Variants in EFCAB6 observed in about 807,000 individuals in gnomAD.
EFCAB6 encodes the protein EF-hand calcium-binding domain-containing protein 6.
In EFCAB6, 156 loss-of-function variants were observed where a neutral mutation model predicts 169.8. That is an observed-to-expected ratio of 0.92 (90% confidence interval 0.81 to 1.05). The LOEUF (loss-of-function observed/expected upper bound fraction) is 1.05. Among genes scored for constraint, EFCAB6 ranks in the 50% least tolerant of loss-of-function variants. EFCAB6 has a pLI of 0.00. For synonymous variants in EFCAB6, 698 were observed against 676.4 expected (o/e 1.03, Z -0.50); for missense variants, 1,800 against 1,829.1 (o/e 0.98, Z 0.29).
At chr22:43,605,278 A>T (rs534943943) in intron 22 of EFCAB6, among the ~76,000 whole-genome samples, 1 of 152,360 alleles carries the variant, frequency 6.6e-6, no homozygotes, top group Non-Finnish European at 1.5e-5. Context: ...ATTTAACTTT[A>T]AAGCAAAGAT....
At chr22:43,576,065 A>C (rs954876026) in intron 26 of EFCAB6, among the ~76,000 whole-genome samples, 2 of 152,062 alleles carry the variant, frequency 1.3e-5, no homozygotes, top group Non-Finnish European at 2.9e-5. Flanking sequence ...AAGCTCCCAA[A>C]CCTCTTTGAA....
chr22:43,595,812 C>T (rs1255426877), intron 23 of EFCAB6, among the ~76,000 whole-genome samples: 7 of 152,088 alleles, frequency 4.6e-5, no homozygotes, highest in Non-Finnish European at 1.5e-5. Context: ...AACTACAGGC[C>T]AAAATTCCTG....
chr22:43,759,726 A>T (rs2061085922), intron 5 of EFCAB6: 3 of 152,192 alleles, frequency 2.0e-5, no homozygotes, highest in African/African-American at 7.2e-5. Flanking sequence ...TCCAGGTCAT[A>T]CCTTTTTAAT....
intron 25 of EFCAB6, among the ~76,000 whole-genome samples, chr22:43,577,344 C>T (rs557934274): frequency 1.1e-4 from 17 of 152,302 alleles, no homozygotes; most frequent in African/African-American, 4.1e-4. Context: ...AGTTAATTCT[C>T]ATTCGGGGCT....
At chr22:43,784,718 C>CATATAT (rs1226581072) in intron 2 of EFCAB6, among the ~76,000 whole-genome samples, 7 of 112,238 alleles carry the variant, frequency 6.2e-5, no homozygotes, top group African/African-American at 2.4e-4. Flanking sequence ...CACACACACA[C>CATATAT]ATATATATAT....
chr22:43,684,601 G>C (rs2058120114), intron 11 of EFCAB6, among the ~76,000 whole-genome samples: 1 of 152,186 alleles, frequency 6.6e-6, no homozygotes, highest in South Asian at 2.1e-4. Context: ...ACCATTCTAA[G>C]ATTTGTTTGG....
At chr22:43,598,308 C>A (rs137714) in intron 23 of EFCAB6, among the ~76,000 whole-genome samples, 112,736 of 113,040 alleles carry the variant, frequency 1, 56,216 homozygotes, top group Middle Eastern at 1. Flanking sequence ...ACACTGTCTC[C>A]GGGAAAAAAA....
At chr22:43,560,322 C>T (rs186005318) in intron 26 of EFCAB6, among the ~76,000 whole-genome samples, 2 of 152,250 alleles carry the variant, frequency 1.3e-5, no homozygotes, top group South Asian at 2.1e-4. Context: ...TTTTGACTCA[C>T]CAGATATTAA....
At chr22:43,733,291 C>T (rs2060019162) in intron 7 of EFCAB6, among the ~76,000 whole-genome samples, 1 of 152,212 alleles carries the variant, frequency 6.6e-6, no homozygotes, top group Non-Finnish European at 1.5e-5. Flanking sequence ...AGCGTCACCA[C>T]CTGGAACTGG....
intron 6 of EFCAB6, among the ~76,000 whole-genome samples, chr22:43,741,484 A>G (rs1603305628): frequency 6.6e-6 from 1 of 152,160 alleles, no homozygotes; most frequent in African/African-American, 2.4e-5. Flanking sequence ...GCGCGCCTTC[A>G]TACTCTGCTG....
intron 2 of EFCAB6, among the ~76,000 whole-genome samples, chr22:43,783,946 C>T (rs754265507): frequency 2.6e-5 from 4 of 151,932 alleles, no homozygotes; most frequent in Non-Finnish European, 4.4e-5. Context: ...GGCATGCACC[C>T]ATGGTCTCAG....
chr22:43,735,699 G>C (rs2060110003), intron 7 of EFCAB6, among the ~76,000 whole-genome samples, 158 bp downstream of exon 7: 1 of 152,196 alleles, frequency 6.6e-6, no homozygotes, highest in South Asian at 2.1e-4. Context: ...TTAGGAACAT[G>C]AGAGAATGTC....
chr22:43,782,430 A>G (rs1459409117), intron 2 of EFCAB6, 105 bp from the exon 3 acceptor site: 3 of 932,880 alleles, frequency 3.2e-6, no homozygotes, highest in Non-Finnish European at 4.8e-6. Flanking sequence ...TGCAGAGTGT[A>G]AAAATGATGC....
chr22:43,675,367 TATAA>T (rs1416139489), intron 13 of EFCAB6, among the ~76,000 whole-genome samples: 1 of 107,518 alleles, frequency 9.3e-6, no homozygotes, highest in Non-Finnish European at 2.1e-5. Flanking sequence ...TAATATATAA[TATAA>T]TATACTATAT....
At chr22:43,550,628 C>T (rs1345409626) in intron 27 of EFCAB6, among the ~76,000 whole-genome samples, 1 of 149,932 alleles carries the variant, frequency 6.7e-6, no homozygotes, top group African/African-American at 2.5e-5. Context: ...GTCGAGTTTG[C>T]ACCACTGCAC....
intron 8 of EFCAB6, among the ~76,000 whole-genome samples, chr22:43,729,567 G>T (rs2059860374): frequency 6.6e-6 from 1 of 152,174 alleles, no homozygotes; most frequent in Admixed American, 6.5e-5. Flanking sequence ...AACTCTCCAG[G>T]AGTGGATAGT....
Position 43,528,958 on chromosome 22 carries a change from G to C in EFCAB6, c.4401C>G (p.Ser1467Arg), listed in dbSNP as rs1321359879. ...AGAACTCTTCCTCAGAGAGGTTGAT[G>C]CTGTACTGTCTCAGGACCTGGAAGA... ...ADFRTVLRQY[S>R]INLSEEEFFH... Residue 1467 changes from serine to arginine, a missense_variant, in exon 32 of 32, where the codon AGC becomes AGG. Coordinates refer to ENST00000262726, the MANE Select transcript of EFCAB6 (RefSeq NM_022785.4). 2.5e-6 allele frequency: 4 copies of C among 1,596,012 alleles called. No individual in the cohort carries two copies. The South Asian group carries it at 4.4e-5, about 18-fold the overall frequency.
At chr22:43,614,944 C>A (rs1056675532) in intron 21 of EFCAB6, among the ~76,000 whole-genome samples, 2 of 152,156 alleles carry the variant, frequency 1.3e-5, no homozygotes, top group Non-Finnish European at 2.9e-5. Flanking sequence ...ACAGCACAGA[C>A]AGTCCACTCT....
chr22:43,537,373 G>A lies in EFCAB6; in HGVS notation c.4048+4C>T, dbSNP rs201172103. The stretch of plus-strand genomic sequence containing the variant: ...ATTACCAAGCAGATAGAATCTGAAC[G>A]AACCCAGGAAATCGGAGGCGTTGAT... On this transcript the variant is annotated splice_donor_region_variant and intron_variant, in intron 29 of 31. Transcript: ENST00000262726. This position sits in a 1 kb window ranked among gnomAD's most constrained non-coding sequence, Gnocchi z 4.3. 1.4e-4 allele frequency: 224 copies of A among 1,613,878 alleles called. No individual in the cohort carries two copies. The highest frequency in any genetic ancestry group is 6.1e-4 in the African/African-American group (46 of 74,982).
Sources: allele counts gnomAD v4.1 joint callset (sites outside exome capture counted in the v4.1 genomes callset), GRCh38; gene constraint gnomAD v4.1.1; non-coding constraint Gnocchi (gnomAD v3.1); transcripts MANE v1.5; gene names NCBI Gene and HGNC (gene_info 2026-07-23, HGNC 2026-07-21).